The following PLPP3 variants were observed in gnomAD, a reference collection of about 807,000 sequenced individuals.
PLPP3 encodes the protein phospholipid phosphatase 3.
In PLPP3, 6 loss-of-function variants were observed where a neutral mutation model predicts 29.6. That is an observed-to-expected ratio of 0.20 (90% confidence interval 0.11 to 0.40). The LOEUF is 0.40. Ranked by LOEUF, PLPP3 falls within the 10% of genes least tolerant of loss-of-function variation. The pLI is 1.00. For missense variants in PLPP3, 308 were observed against 407.7 expected (o/e 0.76, Z 2.11); for synonymous variants, 152 against 159.7 (o/e 0.95, Z 0.36).
At chr1:56,511,887 G>C in intron 5 of PLPP3, 89 bp downstream of exon 5, 3 of 1,513,078 alleles carry the variant, frequency 2.0e-6, no homozygotes, top group Non-Finnish European at 2.7e-6. Flanking sequence ...AGGAACGAGG[G>C]CTCTCTAGCT....
intron 5 of PLPP3, among the ~76,000 whole-genome samples, chr1:56,498,884 A>G (rs1380822170): frequency 6.6e-6 from 1 of 152,134 alleles, no homozygotes; most frequent in Non-Finnish European, 1.5e-5. Flanking sequence ...CGCCTGCCTC[A>G]GCCTTCCAAA....
rs1553139323 is a variant in PLPP3, at chr1:56,557,008, A to AAGAAAGGG, written c.140-19897_140-19896insCCCTTTCT. ...AAAGAAAGAAAGAAAGAAAGAAAGA[A>AAGAAAGGG]AGAGAGAGAGAGAGAGAAAGAGAGA... On this transcript the variant is annotated intron_variant, in intron 1 of 5. Coordinates refer to ENST00000371250, the MANE Select transcript of PLPP3 (RefSeq NM_003713.5). 1.5e-4 allele frequency among the ~76,000 whole-genome samples: 2 copies of AAGAAAGGG among 13,736 alleles called. 1 individual carries two copies. The highest frequency in any genetic ancestry group is 1.8e-3 in the Admixed American group (2 of 1,084). 9.0% of individuals were successfully genotyped at this position (13,736 alleles called of 152,430 possible).
At chr1:56,526,978 G>A (rs1435445802) in intron 2 of PLPP3, among the ~76,000 whole-genome samples, 1 of 152,186 alleles carries the variant, frequency 6.6e-6, no homozygotes. Flanking sequence ...CTGAGGATCA[G>A]TCAACACGAT....
At position 56,537,111 on chromosome 1, in the gene PLPP3, C is replaced by T. The variant is rs778173202; in HGVS notation, c.141G>A (p.Ala47=). The T allele has an allele frequency of 1.7e-5, 28 of 1,612,740 alleles. No homozygotes were observed. The highest frequency in any genetic ancestry group is 2.2e-5 in the East Asian group (1 of 44,822). ...TCTCGATGATGAGGAAGGGGAGGCC[C>T]GCTGGTCCAGGTGGAACCATGGCAT... ...ICLDLFCLFM[A]GLPFLIIETS... is the part of the protein sequence containing the mutation. Residue 47 remains alanine, a splice_region_variant and synonymous_variant, in exon 2 of 6, where the codon GCG becomes GCA. Coordinates refer to ENST00000371250, the MANE Select transcript of PLPP3 (RefSeq NM_003713.5).
chr1:56,567,257 A>C lies in PLPP3; in HGVS notation c.139+11621T>G, dbSNP rs1323139947. Among the ~76,000 whole-genome samples the C allele has an allele frequency of 1.3e-5, 2 of 152,104 alleles. 1 individual carries two copies. The highest frequency in any genetic ancestry group is 1.3e-4 in the Admixed American group (2 of 15,256). On this transcript the variant is annotated intron_variant, in intron 1 of 5. Transcript: ENST00000371250. ...CCAGTGGCACCACTAAACTGATTCA[A>C]AACGTGTTTCTTTGTGAAAAATCCC...
At chr1:56,551,253 A>C (rs1235504564) in intron 1 of PLPP3, among the ~76,000 whole-genome samples, 1 of 105,210 alleles carries the variant, frequency 9.5e-6, no homozygotes, top group Non-Finnish European at 2.2e-5. Context: ...AACACCAGAG[A>C]AATCAAAAAT....
chr1:56,528,776 C>T (rs1312556297), intron 2 of PLPP3, among the ~76,000 whole-genome samples: 2 of 150,456 alleles, frequency 1.3e-5, no homozygotes, highest in East Asian at 2.0e-4. Flanking sequence ...AAATACCACC[C>T]CTCCAGGGTA....
intron 2 of PLPP3, among the ~76,000 whole-genome samples, chr1:56,526,526 GA>G (rs1178888216): frequency 2.0e-5 from 3 of 152,114 alleles, no homozygotes; most frequent in African/African-American, 7.2e-5. Flanking sequence ...ACAAGTTCCA[GA>G]TGTTTATTAC....
chr1:56,527,720 C>T (rs1393439394), intron 2 of PLPP3, among the ~76,000 whole-genome samples: 1 of 152,080 alleles, frequency 6.6e-6, no homozygotes, highest in Non-Finnish European at 1.5e-5. Flanking sequence ...ACAACACAGC[C>T]ATAAATCATC....
In PLPP3 at chr1:56,512,162, G is replaced by C. The variant is rs1280094636; in HGVS notation, c.634-10C>G. 3.8e-6 allele frequency: 6 copies of C among 1,573,806 alleles called. No individual in the cohort carries two copies. The highest frequency in any genetic ancestry group is 5.2e-6 in the Non-Finnish European group (6 of 1,164,976). On this transcript the variant is annotated splice_polypyrimidine_tract_variant and intron_variant, in intron 4 of 5. Transcript: ENST00000371250. ...GGGCCTGCAGGTATAGCTGGAGAAA[G>C]GAGACAAAAAGGAACAGACATTAAG...
In PLPP3 at chr1:56,557,018, G is replaced by GGAAAGAAAGAAAGAAA. The variant is rs1557513570; in HGVS notation, c.140-19907_140-19906insTTTCTTTCTTTCTTTC. Among the ~76,000 whole-genome samples, 45 of 13,790 alleles carry GGAAAGAAAGAAAGAAA rather than the reference G, an allele frequency of 3.3e-3. 4 individuals carry two copies. Among genetic ancestry groups the GGAAAGAAAGAAAGAAA allele is most frequent in the Admixed American group, 5.9e-3 (5 of 844 alleles). The allele number at this position is 13,790 out of a possible 152,430, so 9.0% of individuals were successfully genotyped here. On this transcript the variant is annotated intron_variant, in intron 1 of 5. Coordinates refer to ENST00000371250, the MANE Select transcript of PLPP3 (RefSeq NM_003713.5). Reference sequence around the variant, plus strand: ...AGAAAGAAAGAAAGAAAGAGAGAGAGAGAGAGAAAGAGAGAGAGAGAGAGA... The same window carrying GGAAAGAAAGAAAGAAA: ...AGAAAGAAAGAAAGAAAGAGAGAGAGGAAAGAAAGAAAGAAAAGAGAGAAAGAGAGAGAGAGAGAGA...
chr1:56,504,121 A>C (rs966775055), intron 5 of PLPP3, among the ~76,000 whole-genome samples: 4 of 152,202 alleles, frequency 2.6e-5, no homozygotes, highest in Non-Finnish European at 5.9e-5. Flanking sequence ...AATGTGAAGA[A>C]AAGTAGTCCC....
intron 4 of PLPP3, among the ~76,000 whole-genome samples, chr1:56,523,262 A>G (rs535554969): frequency 6.6e-6 from 1 of 152,334 alleles, no homozygotes; most frequent in South Asian, 2.1e-4. Context: ...CGTAGAATAT[A>G]GAGGACTGAC....
chr1:56,500,062 C>T lies in PLPP3; in HGVS notation c.811-3386G>A, dbSNP rs368660995. 2.0e-4 allele frequency among the ~76,000 whole-genome samples: 31 copies of T among 152,302 alleles called. 3 individuals carry two copies. Among genetic ancestry groups the T allele is most frequent in the East Asian group, 1.7e-3 (9 of 5,190 alleles). On this transcript the variant is annotated intron_variant, in intron 5 of 5. Transcript: ENST00000371250. The stretch of plus-strand genomic sequence containing the variant: ...AAGCACAGAGAAGAGATCTAAGTTA[C>T]GATGCGCAGAACATTTGTTTTCAAT...
chr1:56,529,536 G>A (rs1024762531), intron 2 of PLPP3, among the ~76,000 whole-genome samples: 1 of 152,134 alleles, frequency 6.6e-6, no homozygotes, highest in Non-Finnish European at 1.5e-5. Flanking sequence ...ATCGTGAAGG[G>A]AGAATCACAT....
chr1:56,498,481 C>G (rs975245127), intron 5 of PLPP3, among the ~76,000 whole-genome samples: 6 of 152,136 alleles, frequency 3.9e-5, no homozygotes, highest in Non-Finnish European at 8.8e-5. Flanking sequence ...CCTTATCTCC[C>G]CCAGTGGCCT....
intron 2 of PLPP3, among the ~76,000 whole-genome samples, chr1:56,527,707 T>C (rs1645860692): frequency 6.6e-6 from 1 of 151,774 alleles, no homozygotes; most frequent in African/African-American, 2.4e-5. Context: ...GGTCAGGGAG[T>C]CGACAACACA....
At chr1:56,496,704 C>A in intron 5 of PLPP3, 28 bp from the exon 6 acceptor site, 1 of 1,611,890 alleles carries the variant, frequency 6.2e-7, no homozygotes, top group South Asian at 1.1e-5. Flanking sequence ...AGATCGAAGT[C>A]AGTAACTGAC....
intron 1 of PLPP3, among the ~76,000 whole-genome samples, chr1:56,572,849 C>G (rs939978416): frequency 2.0e-5 from 3 of 152,142 alleles, no homozygotes; most frequent in African/African-American, 7.2e-5. Context: ...GTTTCATTAT[C>G]TCACCTGGGT....
Sources: allele counts gnomAD v4.1 joint callset (sites outside exome capture counted in the v4.1 genomes callset), GRCh38; gene constraint gnomAD v4.1.1; transcripts MANE v1.5; gene names NCBI Gene and HGNC (gene_info 2026-07-23, HGNC 2026-07-21).